Variants in ATRNL1 observed in about 807,000 individuals in gnomAD.
ATRNL1 encodes attractin like 1.
A neutral mutation model predicts 182.7 loss-of-function variants in ATRNL1; 95 were observed. The ratio of observed to expected loss-of-function variants is 0.52; its 90% CI spans 0.44 to 0.62. The LOEUF (loss-of-function observed/expected upper bound fraction) is 0.62. Among genes scored for constraint, ATRNL1 ranks in the 20% least tolerant of loss-of-function variants. The pLI, the probability that ATRNL1 is intolerant of heterozygous loss-of-function variation, is 0.00. For synonymous variants in ATRNL1, 576 were observed against 568.3 expected (o/e 1.01, Z -0.19); for missense variants, 1,471 against 1,679.5 (o/e 0.88, Z 2.17).
At chr10:115,470,616 G>GA (rs542409610) in intron 24 of ATRNL1, among the ~76,000 whole-genome samples, 61 of 149,346 alleles carry the variant, frequency 4.1e-4, no homozygotes, top group Non-Finnish European at 7.5e-4. Context: ...ATATACTTTT[G>GA]AAAAAAAATT....
At chr10:115,612,524 A>C (rs1300731421) in intron 26 of ATRNL1, among the ~76,000 whole-genome samples, 1 of 152,208 alleles carries the variant, frequency 6.6e-6, no homozygotes, top group Non-Finnish European at 1.5e-5. Context: ...CTTTCAAAGG[A>C]AAAAGTGAAC....
At chr10:115,519,380 T>C in intron 25 of ATRNL1, 56 bp downstream of exon 25, 1 of 1,383,900 alleles carries the variant, frequency 7.2e-7, no homozygotes, top group Non-Finnish European at 1.0e-6. Flanking sequence ...CTGATATATG[T>C]CCTGTCAATC....
intron 28 of ATRNL1, among the ~76,000 whole-genome samples, chr10:115,917,963 A>G (rs530041662): frequency 6.6e-6 from 1 of 152,324 alleles, no homozygotes; most frequent in Non-Finnish European, 1.5e-5. Flanking sequence ...AAAATAGTAA[A>G]TAAGAGGTCC....
At chr10:115,244,994 G>A (rs781958671) in intron 10 of ATRNL1, among the ~76,000 whole-genome samples, 5 of 152,050 alleles carry the variant, frequency 3.3e-5, no homozygotes, top group Non-Finnish European at 7.4e-5. Context: ...GAGATTTAAC[G>A]AATAATCGAG....
At chr10:115,812,267 A>G (rs1231041202) in intron 27 of ATRNL1, among the ~76,000 whole-genome samples, 2 of 152,132 alleles carry the variant, frequency 1.3e-5, no homozygotes, top group East Asian at 1.9e-4. Context: ...GACCATTTGC[A>G]TTTAGTGTAA....
At chr10:115,564,857 T>G (rs2133847742) in intron 26 of ATRNL1, among the ~76,000 whole-genome samples, 1 of 152,120 alleles carries the variant, frequency 6.6e-6, no homozygotes, top group South Asian at 2.1e-4. Context: ...ATAACCTGTT[T>G]TTGTATATTT....
intron 1 of ATRNL1, among the ~76,000 whole-genome samples, chr10:115,108,303 C>T (rs1391323162): frequency 6.6e-6 from 1 of 152,150 alleles, no homozygotes; most frequent in Non-Finnish European, 1.5e-5. Context: ...GGGGTATATA[C>T]CCTGGGGTTC....
Position 115,292,805 on chromosome 10 carries a change from C to T in ATRNL1, c.2415+6408C>T, listed in dbSNP as rs557215682. Among the ~76,000 whole-genome samples, 4 of 152,142 alleles carry T rather than the reference C, an allele frequency of 2.6e-5. No individual in the cohort carries two copies. In the East Asian group the frequency reaches 7.7e-4, roughly 29 times the overall value. On this transcript the variant is annotated intron_variant, in intron 15 of 28. Coordinates refer to ENST00000355044, the MANE Select transcript of ATRNL1 (RefSeq NM_207303.4). ...TATATGGTCATTCCTGGAGAATGTT[C>T]CACATGCTGATGAAAAGTATGTGTA...
At chr10:115,835,271 C>A (rs1468183250) in intron 27 of ATRNL1, among the ~76,000 whole-genome samples, 6 of 152,084 alleles carry the variant, frequency 3.9e-5, no homozygotes, top group African/African-American at 1.2e-4. Flanking sequence ...AAGGTGACCT[C>A]TTCCTCTGAA....
intron 19 of ATRNL1, among the ~76,000 whole-genome samples, chr10:115,369,258 G>T (rs1323329763): frequency 6.7e-6 from 1 of 148,340 alleles, no homozygotes; most frequent in African/African-American, 2.5e-5. Context: ...GATAGGGGTT[G>T]TGTGAGGGGG....
intron 14 of ATRNL1, among the ~76,000 whole-genome samples, chr10:115,285,075 G>A (rs7071026): frequency 0.04 from 6,074 of 151,954 alleles, 416 homozygotes; most frequent in African/African-American, 0.14. Context: ...ACTTTCCCTC[G>A]GGAAGGGAAT....
At chr10:115,324,261 G>A (rs779910302) in intron 18 of ATRNL1, among the ~76,000 whole-genome samples, 7 of 152,008 alleles carry the variant, frequency 4.6e-5, no homozygotes, top group Non-Finnish European at 5.9e-5. Flanking sequence ...GCAGATTTAC[G>A]TAAACAATGT....
intron 5 of ATRNL1, among the ~76,000 whole-genome samples, chr10:115,146,802 C>T (rs1554879462): frequency 1.4e-5 from 2 of 145,694 alleles, no homozygotes. Flanking sequence ...TGATTTCATT[C>T]TTTTTTTTTT....
intron 26 of ATRNL1, among the ~76,000 whole-genome samples, chr10:115,602,004 C>A (rs1484736414): frequency 6.8e-6 from 1 of 147,650 alleles, no homozygotes; most frequent in Non-Finnish European, 1.5e-5. Flanking sequence ...CTTACTAGAT[C>A]TACTTTTCTT....
At chr10:115,850,114 A>C (rs573217145) in intron 28 of ATRNL1, among the ~76,000 whole-genome samples, 47 of 152,162 alleles carry the variant, frequency 3.1e-4, no homozygotes, top group Admixed American at 3.1e-3. Flanking sequence ...AAATTGCAGC[A>C]TTATCTGTTA....
At chr10:115,728,627 T>G (rs1183166331) in intron 27 of ATRNL1, among the ~76,000 whole-genome samples, 3 of 152,160 alleles carry the variant, frequency 2.0e-5, no homozygotes, top group African/African-American at 7.2e-5. Context: ...CATTTTTGTT[T>G]TTTCTGAAAA....
chr10:115,365,232 T>A (rs1255944587), intron 19 of ATRNL1, among the ~76,000 whole-genome samples: 1 of 152,216 alleles, frequency 6.6e-6, no homozygotes, highest in Non-Finnish European at 1.5e-5. Flanking sequence ...TTCAAATTCT[T>A]CCTGGTTTAG....
rs568243577 is a variant in ATRNL1 at position 115,798,887 on chromosome 10, C to T, written c.3904-48990C>T. Among the ~76,000 whole-genome samples, 163 of 146,292 alleles carry T rather than the reference C, an allele frequency of 1.1e-3. 6 individuals are homozygous for T. The South Asian group carries it at 0.034, about 30-fold the overall frequency. ...TGTTGACCAAGCTGGAGTGCAGTGGCGCGATCTCAGCTCACCACAACCTCC... is the reference window on the plus strand; with the variant it reads ...TGTTGACCAAGCTGGAGTGCAGTGGTGCGATCTCAGCTCACCACAACCTCC... On this transcript the variant is annotated intron_variant, in intron 27 of 28. Transcript: ENST00000355044.
intron 28 of ATRNL1, among the ~76,000 whole-genome samples, chr10:115,865,063 G>GTT (rs1951409002): frequency 6.6e-6 from 1 of 151,192 alleles, no homozygotes; most frequent in Non-Finnish European, 1.5e-5. Flanking sequence ...CTCTTCAAAA[G>GTT]TGCCAAGGTC....
Sources: allele counts gnomAD v4.1 joint callset (sites outside exome capture counted in the v4.1 genomes callset), GRCh38; gene constraint gnomAD v4.1.1; transcripts MANE v1.5; gene names NCBI Gene and HGNC (gene_info 2026-07-23, HGNC 2026-07-21).